The following GPC5 variants were observed in gnomAD, a reference collection of about 807,000 sequenced individuals.
GPC5 encodes glypican-5.
GPC5 carries 47 observed loss-of-function variants against 53.9 expected under a neutral mutation model. That is an observed-to-expected ratio of 0.87 (90% CI 0.69 to 1.11). The LOEUF (loss-of-function observed/expected upper bound fraction) is 1.11, where lower values mean the gene tolerates loss of function less well. GPC5 is among the 50% of genes most tolerant of loss of function. The pLI is 0.00. For synonymous variants in GPC5, 286 were observed against 263.3 expected, an observed-to-expected ratio of 1.09 and a Z score of -0.84; for missense variants, 748 against 713.1, an observed-to-expected ratio of 1.05 and a Z score of -0.56.
intron 2 of GPC5, among the ~76,000 whole-genome samples, chr13:91,600,974 A>G (rs1219229253): frequency 1.3e-5 from 2 of 152,180 alleles, no homozygotes; most frequent in Non-Finnish European, 2.9e-5. Context: ...ATCTTAACCT[A>G]TAATAATTAC....
intron 7 of GPC5, among the ~76,000 whole-genome samples, chr13:92,372,140 T>A (rs2043655629): frequency 2.0e-5 from 3 of 152,140 alleles, no homozygotes; most frequent in Admixed American, 2.0e-4. Flanking sequence ...AGTTCAGCCT[T>A]GCGACACTCT....
chr13:92,630,206 T>C (rs1885190057), intron 7 of GPC5, among the ~76,000 whole-genome samples: 3 of 152,194 alleles, frequency 2.0e-5, no homozygotes, highest in African/African-American at 7.2e-5. Flanking sequence ...CTGTTCTACG[T>C]AATCGTGAAT....
chr13:92,520,966 A>C (rs547546753), intron 7 of GPC5, among the ~76,000 whole-genome samples: 1 of 152,250 alleles, frequency 6.6e-6, no homozygotes, highest in East Asian at 1.9e-4. Flanking sequence ...AAAAATCACA[A>C]GCATTCTTAT....
intron 7 of GPC5, among the ~76,000 whole-genome samples, chr13:92,399,314 A>G (rs774943594): frequency 4.6e-4 from 70 of 152,220 alleles, no homozygotes; most frequent in South Asian, 8.3e-4. Flanking sequence ...GTATAATACT[A>G]GAGACCATTA....
intron 7 of GPC5, among the ~76,000 whole-genome samples, chr13:92,318,717 A>G (rs971055764): frequency 2.0e-5 from 3 of 152,184 alleles, no homozygotes; most frequent in Non-Finnish European, 2.9e-5. Flanking sequence ...AGTTAATGTT[A>G]TAAAGTTGGT....
chr13:92,848,652 T>C (rs1263938957), intron 7 of GPC5, among the ~76,000 whole-genome samples: 1 of 152,124 alleles, frequency 6.6e-6, no homozygotes, highest in Admixed American at 6.5e-5. Context: ...ACTCTGTGTG[T>C]GTGTCTATAT....
At chr13:91,930,711 AC>A (rs1233915689) in intron 6 of GPC5, among the ~76,000 whole-genome samples, 4 of 151,890 alleles carry the variant, frequency 2.6e-5, no homozygotes, top group African/African-American at 9.7e-5. Context: ...CCTTTCCAAA[AC>A]CCCAGCAGGT....
At chr13:91,749,968 C>T (rs1237394641) in intron 4 of GPC5, among the ~76,000 whole-genome samples, 2 of 152,148 alleles carry the variant, frequency 1.3e-5, no homozygotes, top group Non-Finnish European at 2.9e-5. Flanking sequence ...CACCACCAAG[C>T]CCGGCTAATT....
At chr13:92,414,290 A>C (rs943667153) in intron 7 of GPC5, among the ~76,000 whole-genome samples, 2 of 152,106 alleles carry the variant, frequency 1.3e-5, no homozygotes, top group Non-Finnish European at 2.9e-5. Flanking sequence ...TGATCACCTG[A>C]GGTCAGGAGT....
At chr13:91,587,444 C>T (rs1380203840) in intron 2 of GPC5, among the ~76,000 whole-genome samples, 1 of 152,026 alleles carries the variant, frequency 6.6e-6, no homozygotes, top group Non-Finnish European at 1.5e-5. Flanking sequence ...TCTTTTTTAA[C>T]TAAAATAAGC....
At chr13:91,827,021 T>C (rs967178603) in intron 5 of GPC5, among the ~76,000 whole-genome samples, 5 of 151,910 alleles carry the variant, frequency 3.3e-5, no homozygotes, top group Non-Finnish European at 7.4e-5. Context: ...TTTGGTAGCA[T>C]AATAGGGTGA....
chr13:92,319,219 T>C (rs1594097248), intron 7 of GPC5, among the ~76,000 whole-genome samples: 1 of 152,172 alleles, frequency 6.6e-6, no homozygotes, highest in Admixed American at 6.6e-5. Flanking sequence ...GATTTGAATA[T>C]GCAGTTGTTA....
At chr13:91,569,218 G>A (rs367562061) in intron 2 of GPC5, among the ~76,000 whole-genome samples, 67 of 152,270 alleles carry the variant, frequency 4.4e-4, no homozygotes, top group African/African-American at 1.6e-3. Flanking sequence ...AGTGTCACTT[G>A]AAATTAGTGA....
At chr13:92,516,899 C>T (rs958983965) in intron 7 of GPC5, among the ~76,000 whole-genome samples, 10 of 152,130 alleles carry the variant, frequency 6.6e-5, no homozygotes, top group African/African-American at 2.2e-4. Context: ...ACCTGGGAAG[C>T]ACAAGGGGTC....
intron 4 of GPC5, among the ~76,000 whole-genome samples, chr13:91,730,942 C>A (rs1475536773): frequency 2.6e-5 from 4 of 152,162 alleles, no homozygotes; most frequent in African/African-American, 9.7e-5. Context: ...AATGTCAGTA[C>A]TTTCCACCAC....
At chr13:91,584,810 C>T (rs1268200084) in intron 2 of GPC5, among the ~76,000 whole-genome samples, 2 of 152,068 alleles carry the variant, frequency 1.3e-5, no homozygotes, top group African/African-American at 4.8e-5. Context: ...AAACTCCTGA[C>T]CTTAGGTGAT....
At chr13:92,619,077 T>C (rs926398335) in intron 7 of GPC5, among the ~76,000 whole-genome samples, 3 of 151,958 alleles carry the variant, frequency 2.0e-5, no homozygotes, top group Non-Finnish European at 4.4e-5. Context: ...AAAGCTAAAT[T>C]ACTCACTTTG....
At chr13:91,795,134 T>A (rs565391672) in intron 5 of GPC5, among the ~76,000 whole-genome samples, 1 of 152,288 alleles carries the variant, frequency 6.6e-6, no homozygotes, top group East Asian at 1.9e-4. Flanking sequence ...GTATGGATAT[T>A]TTTATATATA....
chr13:92,535,541 C>A (rs529171788), intron 7 of GPC5, among the ~76,000 whole-genome samples: 56 of 152,040 alleles, frequency 3.7e-4, no homozygotes, highest in African/African-American at 1.3e-3. Flanking sequence ...TCATTGGAGG[C>A]AGTGATTTGG....
Sources: gnomAD v4.1 joint callset for allele counts (sites outside exome capture counted in the v4.1 genomes callset) on GRCh38, gnomAD v4.1.1 for gene constraint, MANE v1.5 for transcripts, NCBI Gene and HGNC (gene_info 2026-07-23, HGNC 2026-07-21) for gene names.